The following NFATC2 variants were observed in gnomAD, a reference collection of about 807,000 sequenced individuals.
NFATC2 encodes nuclear factor of activated T-cells, cytoplasmic 2.
In NFATC2, 22 loss-of-function variants were observed where a neutral mutation model predicts 87.3. The ratio of observed to expected loss-of-function variants is 0.25; its 90% confidence interval spans 0.18 to 0.36. The LOEUF (loss-of-function observed/expected upper bound fraction) is 0.36. Ranked by LOEUF, NFATC2 falls within the 10% of genes least tolerant of loss-of-function variation. The probability of loss-of-function intolerance (pLI) is 1.00; values close to 1 mark genes in which losing one functional copy is unlikely to be tolerated. For missense variants in NFATC2, 1,149 were observed against 1,259.1 expected, an observed-to-expected ratio of 0.91 and a Z score of 1.32; for synonymous variants, 565 against 542.2, an observed-to-expected ratio of 1.04 and a Z score of -0.58.
In NFATC2 at chr20:51,540,658, G is replaced by GTTTTT. The variant is rs397864888; in HGVS notation, c.130+1707_130+1711dup. On this transcript the variant is annotated intron_variant, in intron 1 of 10. Transcript: ENST00000371564. ...TTCCAAAAACTGAAGTTTTTTTTTT[G>GTTTTT]TTTTTTTTTTTTTGAGAAAACAGAT... is the stretch of plus-strand genomic sequence containing the variant. Among the ~76,000 whole-genome samples, 9 of 110,050 alleles carry GTTTTT rather than the reference G, an allele frequency of 8.2e-5. 1 individual carries two copies. Among genetic ancestry groups the GTTTTT allele is most frequent in the South Asian group, 3.1e-4 (1 of 3,268 alleles). The allele number at this position is 110,050 out of a possible 152,430, so 72.2% of individuals were successfully genotyped here.
At chr20:51,544,110 C>A (rs2076867678), upstream of NFATC2, among the ~76,000 whole-genome samples, 1 of 151,090 alleles carries the variant, frequency 6.6e-6, no homozygotes, top group African/African-American at 2.4e-5. Context: ...GCCTCAGCCT[C>A]CCGAGTAGCT....
intron 3 of NFATC2, among the ~76,000 whole-genome samples, chr20:51,508,346 T>C (rs910043851): frequency 2.6e-5 from 4 of 152,082 alleles, no homozygotes; most frequent in African/African-American, 9.7e-5. Flanking sequence ...GGTGCAGGTC[T>C]CAATCGTTTC....
Position 51,432,084 on chromosome 20 carries a change from T to C in NFATC2, c.2705A>G (p.Gln902Arg). 6.5e-7 allele frequency: 1 copy of C among 1,529,922 alleles called. No homozygotes were observed. Among genetic ancestry groups the C allele is most frequent in the Non-Finnish European group, 8.8e-7 (1 of 1,135,816 alleles). 94.8% of individuals were successfully genotyped at this position (1,529,922 alleles called of 1,614,324 possible). Residue 902 changes from glutamine to arginine, a missense_variant, in exon 9 of 11, where the codon CAG (glutamine) becomes CGG (arginine). This residue lies in a region of NFATC2 where 581 missense variants were observed against 649.7 expected (regional missense o/e 0.89). Coordinates refer to ENST00000371564, the MANE Select transcript of NFATC2 (RefSeq NM_012340.5). The surrounding 1 kb of genome is among the most constrained non-coding windows in gnomAD (Gnocchi z 4.6). Reference sequence around the variant, plus strand: ...CGTCTTACCATCATCCAAGTAGGTCTGGTCCAAGTTCTGCTCCTGTTTAAT... The same window carrying C: ...CGTCTTACCATCATCCAAGTAGGTCCGGTCCAAGTTCTGCTCCTGTTTAAT... ...VTIKQEQNLD[Q>R]TYLDDELIDT...
In NFATC2 at chr20:51,480,266, T is replaced by C. The variant is rs1989134298; in HGVS notation, c.1333-4606A>G. On this transcript the variant is annotated intron_variant, in intron 3 of 10. Coordinates refer to ENST00000371564, the MANE Select transcript of NFATC2 (RefSeq NM_012340.5). This position sits in a 1 kb window ranked among gnomAD's most constrained non-coding sequence, Gnocchi z 4.2. ...TTGCACCACTGCACTCCCGCCTGGG[T>C]CACAAAGCAAGACTCTGTCTCAAAA... Among the ~76,000 whole-genome samples the C allele has an allele frequency of 1.3e-5, 2 of 149,430 alleles. No homozygotes were observed.
At chr20:51,487,253 G>A (rs1031453819) in intron 3 of NFATC2, among the ~76,000 whole-genome samples, 1 of 152,204 alleles carries the variant, frequency 6.6e-6, no homozygotes, top group Non-Finnish European at 1.5e-5. Flanking sequence ...GGCCCTGACC[G>A]TGCCCAGCAT....
At chr20:51,478,857 C>G (rs1460921484) in intron 3 of NFATC2, among the ~76,000 whole-genome samples, 1 of 152,206 alleles carries the variant, frequency 6.6e-6, no homozygotes, top group Admixed American at 6.5e-5. Flanking sequence ...TCTTTCTGAC[C>G]TCAGGGCCTT....
intron 1 of NFATC2, among the ~76,000 whole-genome samples, chr20:51,552,318 G>GTATA (rs143977396): frequency 4.0e-5 from 6 of 151,838 alleles, no homozygotes; most frequent in African/African-American, 1.5e-4. Context: ...GTCTGTGTGT[G>GTATA]TATATATATA....
chr20:51,491,919 C>CAA (rs1600860471), intron 3 of NFATC2, among the ~76,000 whole-genome samples: 1 of 146,326 alleles, frequency 6.8e-6, no homozygotes, highest in South Asian at 2.2e-4. Flanking sequence ...CACACACACA[C>CAA]CCCTTGCCCC....
In NFATC2 at chr20:51,401,337, AAAAAAT is replaced by A. The variant is rs375825973; in HGVS notation, c.2723-2613_2723-2608del. Among the ~76,000 whole-genome samples the A allele has an allele frequency of 1.5e-3, 222 of 152,208 alleles. 1 individual carries two copies. Among genetic ancestry groups the A allele is most frequent in the African/African-American group, 5.1e-3 (211 of 41,530 alleles). On this transcript the variant is annotated intron_variant, in intron 9 of 10. Transcript: ENST00000371564. ...TAGGCAACAGAGCAAGACTGTCTCA[AAAAAAT>A]AAAAATAAATGAGATGCTATAGCTG...
chr20:51,516,370 T>C (rs905255177), intron 3 of NFATC2, among the ~76,000 whole-genome samples: 1 of 152,202 alleles, frequency 6.6e-6, no homozygotes, highest in African/African-American at 2.4e-5. Flanking sequence ...TTTAGGTAGT[T>C]TGATAATGTA....
intron 10 of NFATC2, among the ~76,000 whole-genome samples, chr20:51,398,228 T>A (rs1302340354): frequency 6.6e-6 from 1 of 152,196 alleles, no homozygotes; most frequent in Non-Finnish European, 1.5e-5. Flanking sequence ...CAGTGGCTTC[T>A]TAGGTAGGTT....
chr20:51,451,630 C>A (rs766088160), intron 6 of NFATC2, among the ~76,000 whole-genome samples: 4 of 152,212 alleles, frequency 2.6e-5, no homozygotes, highest in Non-Finnish European at 5.9e-5. Flanking sequence ...GGGTGGCGGG[C>A]GAGAGAGCAA....
chr20:51,481,598 G>GCTCA (rs1989261866), intron 3 of NFATC2, among the ~76,000 whole-genome samples: 1 of 152,160 alleles, frequency 6.6e-6, no homozygotes, highest in Non-Finnish European at 1.5e-5. Context: ...TGCACGGGAG[G>GCTCA]GGAGTGTCTG....
intron 3 of NFATC2, among the ~76,000 whole-genome samples, chr20:51,503,014 T>G (rs2146635706): frequency 6.6e-6 from 1 of 152,320 alleles, no homozygotes; most frequent in East Asian, 1.9e-4. Context: ...TAAAATGTGC[T>G]GAGCAGTATG....
chr20:51,561,441 AAGAAAGAAAG>A (rs2077024969), intron 1 of NFATC2, among the ~76,000 whole-genome samples: 1 of 87,208 alleles, frequency 1.1e-5, no homozygotes, highest in Non-Finnish European at 2.4e-5. Flanking sequence ...AAAAGAAAGA[AAGAAAGAAAG>A]AAAGAAAGAA....
intron 2 of NFATC2, among the ~76,000 whole-genome samples, chr20:51,522,625 A>G (rs1417227222): frequency 2.0e-5 from 3 of 151,110 alleles, no homozygotes; most frequent in Non-Finnish European, 4.4e-5. Flanking sequence ...GCAGATGCTA[A>G]CAAACATCAC....
intron 6 of NFATC2, among the ~76,000 whole-genome samples, chr20:51,448,606 C>T (rs1193441156): frequency 1.3e-5 from 2 of 152,050 alleles, no homozygotes; most frequent in Non-Finnish European, 2.9e-5. Flanking sequence ...ATCGCGCACT[C>T]GCGCCACGCC....
At chr20:51,548,709 A>G (rs993591472) in intron 1 of NFATC2, among the ~76,000 whole-genome samples, 4 of 152,206 alleles carry the variant, frequency 2.6e-5, no homozygotes, top group African/African-American at 9.7e-5. Context: ...TACCCAGTAC[A>G]TGGTAGCTTC....
intron 5 of NFATC2, among the ~76,000 whole-genome samples, chr20:51,458,459 A>G (rs1287561993): frequency 6.6e-6 from 1 of 151,916 alleles, no homozygotes; most frequent in Non-Finnish European, 1.5e-5. Context: ...TCTGACTTAA[A>G]TGGTCTGAGG....
Sources: gnomAD v4.1 joint callset for allele counts (sites outside exome capture counted in the v4.1 genomes callset) on GRCh38, gnomAD v4.1.1 for gene constraint, gnomAD v4.1.1 regional missense constraint, Gnocchi (gnomAD v3.1) non-coding constraint, MANE v1.5 for transcripts, NCBI Gene and HGNC (gene_info 2026-07-23, HGNC 2026-07-21) for gene names.